Variants in RNF220 observed in about 807,000 individuals in gnomAD.
The protein encoded by RNF220 is ring finger protein 220, also known as E3 ubiquitin-protein ligase RNF220.
RNF220 carries 7 observed loss-of-function variants against 67.1 expected under a neutral mutation model. The observed-to-expected ratio is 0.10, with a 90% CI of 0.06 to 0.20. The LOEUF is 0.20. Among genes scored for constraint, RNF220 ranks in the 10% least tolerant of loss-of-function variants. The pLI is 1.00. For synonymous variants in RNF220, 270 were observed against 283.2 expected, an observed-to-expected ratio of 0.95 and a Z score of 0.47; for missense variants, 565 against 740.3, an observed-to-expected ratio of 0.76 and a Z score of 2.75.
chr1:44,632,035 T>A (rs1415770763), intron 5 of RNF220: 1 of 1,069,386 alleles, frequency 9.4e-7, no homozygotes, highest in African/African-American at 1.7e-5. Context: ...CCACGGGGAA[T>A]CCGCCCGCAT....
In RNF220 at chr1:44,606,791, A is replaced by T. The variant is rs1198617298; in HGVS notation, c.626-7374A>T. Among the ~76,000 whole-genome samples the T allele has an allele frequency of 6.6e-6, 1 of 152,144 alleles. No individual in the cohort carries two copies. On this transcript the variant is annotated intron_variant, in intron 2 of 14. Transcript: ENST00000361799. This position sits in a 1 kb window ranked among gnomAD's most constrained non-coding sequence, Gnocchi z 4.2. ...TAAATATTTATTGAGCATTTACCAC[A>T]TGCCAGACATTGTTCCAGGCACAGA...
At chr1:44,521,613 T>C (rs953855229) in intron 2 of RNF220, among the ~76,000 whole-genome samples, 3 of 152,126 alleles carry the variant, frequency 2.0e-5, no homozygotes, top group South Asian at 4.1e-4. Context: ...TTCAGCATTG[T>C]TATCATTACT....
At chr1:44,498,705 C>A in intron 2 of RNF220, among the ~76,000 whole-genome samples, 1 of 152,168 alleles carries the variant, frequency 6.6e-6, no homozygotes, top group East Asian at 1.9e-4. Flanking sequence ...TTACTATCAT[C>A]AAGTCTTTCA....
At chr1:44,459,342 T>TC (rs1304143922) in intron 2 of RNF220, among the ~76,000 whole-genome samples, 1 of 152,138 alleles carries the variant, frequency 6.6e-6, no homozygotes, top group East Asian at 1.9e-4. Flanking sequence ...CAGAATTACT[T>TC]CCTTTCCTAC....
At chr1:44,567,472 A>G (rs1345635607) in intron 2 of RNF220, among the ~76,000 whole-genome samples, 1 of 152,104 alleles carries the variant, frequency 6.6e-6, no homozygotes. Flanking sequence ...AGCAGTGACC[A>G]ACTGAGAAGC....
rs1043842461 is a variant in RNF220 at position 44,606,426 on chromosome 1, G to A, written c.626-7739G>A. Among the ~76,000 whole-genome samples the A allele has an allele frequency of 6.6e-6, 1 of 152,224 alleles. No individual in the cohort carries two copies. Among genetic ancestry groups the A allele is most frequent in the Non-Finnish European group, 1.5e-5 (1 of 68,034 alleles). ...GGGGAGAGTGGATGAGTAATTAGGTGGTTTGGATGGATGACAGGTGGATGA... is the reference window on the plus strand; with the variant it reads ...GGGGAGAGTGGATGAGTAATTAGGTAGTTTGGATGGATGACAGGTGGATGA... On this transcript the variant is annotated intron_variant, in intron 2 of 14. Coordinates refer to ENST00000361799, the MANE Select transcript of RNF220 (RefSeq NM_018150.4). This position sits in a 1 kb window ranked among gnomAD's most constrained non-coding sequence, Gnocchi z 4.2.
At chr1:44,474,648 GCAGTGAGCTATGAT>G (rs1366418545) in intron 2 of RNF220, among the ~76,000 whole-genome samples, 1 of 151,550 alleles carries the variant, frequency 6.6e-6, no homozygotes, top group Non-Finnish European at 1.5e-5. Flanking sequence ...GTTCCAGGCT[GCAGTGAGCTATGAT>G]CACACCATCG....
At chr1:44,562,699 C>T (rs1663672074) in intron 2 of RNF220, among the ~76,000 whole-genome samples, 1 of 152,122 alleles carries the variant, frequency 6.6e-6, no homozygotes, top group African/African-American at 2.4e-5. Flanking sequence ...CAAGGAACCT[C>T]AAAAAGGCAG....
At chr1:44,529,962 G>A (rs1572785997) in intron 2 of RNF220, among the ~76,000 whole-genome samples, 2 of 152,096 alleles carry the variant, frequency 1.3e-5, no homozygotes, top group African/African-American at 4.8e-5. Flanking sequence ...GCTGAGGCAG[G>A]AGAATCGCTT....
intron 2 of RNF220, among the ~76,000 whole-genome samples, chr1:44,586,608 G>A (rs757434799): frequency 1.1e-4 from 16 of 152,194 alleles, no homozygotes; most frequent in Non-Finnish European, 1.9e-4. Context: ...GTTCCAGGAG[G>A]CAGACTAGAA....
chr1:44,570,683 T>G (rs138791138), intron 2 of RNF220, among the ~76,000 whole-genome samples: 7 of 152,192 alleles, frequency 4.6e-5, no homozygotes, highest in African/African-American at 1.4e-4. Flanking sequence ...GCGATGCAGG[T>G]CACTGTCATC....
At position 44,645,496 on chromosome 1, in the gene RNF220, T is replaced by C. The variant is rs1342846917; in HGVS notation, c.1445+8T>C. 1.2e-6 allele frequency: 2 copies of C among 1,613,162 alleles called. No individual in the cohort carries two copies. The highest frequency in any genetic ancestry group is 8.5e-7 in the Non-Finnish European group (1 of 1,179,700). The stretch of plus-strand genomic sequence containing the variant: ...GAACAGCGACATCGAGAAGTAAGTG[T>C]TTGGCCAGGAGAGAGCCCTGGGACC... On this transcript the variant is annotated splice_region_variant and intron_variant, in intron 12 of 14. Coordinates refer to ENST00000361799, the MANE Select transcript of RNF220 (RefSeq NM_018150.4). This position sits in a 1 kb window ranked among gnomAD's most constrained non-coding sequence, Gnocchi z 5.0.
At chr1:44,407,879 T>C (rs995660968) in intron 1 of RNF220, among the ~76,000 whole-genome samples, 25 of 152,202 alleles carry the variant, frequency 1.6e-4, no homozygotes, top group African/African-American at 6.0e-4. Flanking sequence ...CTGGAGGTCC[T>C]TGGACTTTGG....
intron 2 of RNF220, among the ~76,000 whole-genome samples, chr1:44,522,647 C>G (rs969166515): frequency 6.6e-6 from 1 of 152,040 alleles, no homozygotes; most frequent in Non-Finnish European, 1.5e-5. Context: ...GTAGAAACAT[C>G]CCTCCTGGGG....
At chr1:44,589,563 G>C (rs1466089649) in intron 2 of RNF220, among the ~76,000 whole-genome samples, 1 of 145,230 alleles carries the variant, frequency 6.9e-6, no homozygotes, top group Non-Finnish European at 1.5e-5. Flanking sequence ...GCAGTGAGCT[G>C]AGATCATGCC....
At chr1:44,589,802 T>G (rs1016672728) in intron 2 of RNF220, among the ~76,000 whole-genome samples, 6 of 152,024 alleles carry the variant, frequency 3.9e-5, no homozygotes, top group Non-Finnish European at 2.9e-5. Flanking sequence ...AATAGTTAAT[T>G]TAATATATGT....
chr1:44,444,744 CTTGA>C (rs1250433674), intron 2 of RNF220, among the ~76,000 whole-genome samples: 16 of 150,844 alleles, frequency 1.1e-4, no homozygotes, highest in African/African-American at 3.9e-4. Context: ...CCCGGCCTAC[CTTGA>C]TTTCTATATC....
At chr1:44,476,544 C>G (rs187998038) in intron 2 of RNF220, among the ~76,000 whole-genome samples, 204 of 152,318 alleles carry the variant, frequency 1.3e-3, no homozygotes, top group African/African-American at 4.8e-3. Flanking sequence ...AGGAGAAGAT[C>G]TCCAGGCTTC....
At chr1:44,538,241 A>G (rs112730939) in intron 2 of RNF220, among the ~76,000 whole-genome samples, 2,897 of 152,312 alleles carry the variant, frequency 0.019, 54 homozygotes, top group Non-Finnish European at 0.029. Flanking sequence ...GTGGTTATTC[A>G]GCCAGCTCTG....
Sources: gnomAD v4.1 joint callset for allele counts (sites outside exome capture counted in the v4.1 genomes callset) on GRCh38, gnomAD v4.1.1 for gene constraint, Gnocchi (gnomAD v3.1) non-coding constraint, MANE v1.5 for transcripts, NCBI Gene and HGNC (gene_info 2026-07-23, HGNC 2026-07-21) for gene names.